The following ASAP2 variants were observed in gnomAD, a reference collection of about 807,000 sequenced individuals.
ASAP2 encodes arf-GAP with SH3 domain, ANK repeat and PH domain-containing protein 2.
Under a neutral mutation model 131.4 loss-of-function variants are expected in ASAP2, and 45 were observed. The observed-to-expected ratio is 0.34, with a 90% confidence interval of 0.27 to 0.44. ASAP2 has a LOEUF of 0.44. Among genes scored for constraint, ASAP2 ranks in the 20% least tolerant of loss-of-function variants. The pLI is 1.00. For missense variants in ASAP2, 1,011 were observed against 1,297.0 expected (o/e 0.78, Z 3.39); for synonymous variants, 510 against 503.0 (o/e 1.01, Z -0.19).
At chr2:9,364,447 G>A (rs1673304809) in intron 15 of ASAP2, among the ~76,000 whole-genome samples, 1 of 152,174 alleles carries the variant, frequency 6.6e-6, no homozygotes, top group African/African-American at 2.4e-5. Flanking sequence ...GTTGGCTATA[G>A]TGAACTGAGA....
chr2:9,363,038 G>A (rs1346493319), intron 15 of ASAP2, among the ~76,000 whole-genome samples: 1 of 152,106 alleles, frequency 6.6e-6, no homozygotes, highest in Non-Finnish European at 1.5e-5. Context: ...ATATAAATGA[G>A]ATCTTGCAGG....
chr2:9,278,818 C>A (rs1202993434), intron 1 of ASAP2, among the ~76,000 whole-genome samples: 1 of 152,212 alleles, frequency 6.6e-6, no homozygotes, highest in Non-Finnish European at 1.5e-5. Context: ...GACCCGTCTT[C>A]TAACACAGCT....
chr2:9,277,345 G>A (rs1010469146), intron 1 of ASAP2, among the ~76,000 whole-genome samples: 1 of 152,206 alleles, frequency 6.6e-6, no homozygotes, highest in Non-Finnish European at 1.5e-5. Context: ...AAAGTGATGA[G>A]ACTGCAAGAG....
chr2:9,341,334 G>A (rs1671561053), intron 9 of ASAP2, among the ~76,000 whole-genome samples: 1 of 152,134 alleles, frequency 6.6e-6, no homozygotes, highest in Non-Finnish European at 1.5e-5. Context: ...TCAATTTTAT[G>A]TTAAACAGAT....
rs1024680142 is a variant in ASAP2 at position 9,232,056 on chromosome 2, C to T, written c.126+24826C>T. On this transcript the variant is annotated intron_variant, in intron 1 of 27. Coordinates refer to ENST00000281419, the MANE Select transcript of ASAP2 (RefSeq NM_003887.3). The surrounding 1 kb of genome is among the most constrained non-coding windows in gnomAD (Gnocchi z 4.1). ...GTCATTTGTCAGCCAGAGCATTCAACAGCCTCTGCTCCCACTGAGGTCATG... is the reference window on the plus strand; with the variant it reads ...GTCATTTGTCAGCCAGAGCATTCAATAGCCTCTGCTCCCACTGAGGTCATG... Among the ~76,000 whole-genome samples the T allele has an allele frequency of 6.6e-6, 1 of 152,262 alleles. No homozygotes were observed. Among genetic ancestry groups the T allele is most frequent in the African/African-American group, 2.4e-5 (1 of 41,472 alleles).
Position 9,366,085 on chromosome 2 carries a change from C to G in ASAP2, c.1462-2340C>G, listed in dbSNP as rs1354183579. 2.0e-5 allele frequency among the ~76,000 whole-genome samples: 3 copies of G among 152,294 alleles called. No individual in the cohort carries two copies. In the East Asian group the frequency reaches 5.8e-4, roughly 29 times the overall value. On this transcript the variant is annotated intron_variant, in intron 15 of 27. Transcript: ENST00000281419. ...TTCTGCCTGCCTGTCCTGCTGGCAC[C>G]TGCAGCCTCCATTTGCAAATGCTTT...
Position 9,391,042 on chromosome 2 carries a change from G to A in ASAP2, c.2384-20G>A. On this transcript the variant is annotated intron_variant, in intron 22 of 27. Transcript: ENST00000281419. ...TGTATGTGTGCGTGCATGCGTCTGT[G>A]TGCATGCGTGTGGGTTCAGTTCAGA... 1.2e-6 allele frequency: 2 copies of A among 1,614,146 alleles called. No homozygotes were observed. Among genetic ancestry groups the A allele is most frequent in the South Asian group, 1.1e-5 (1 of 91,090 alleles).
intron 15 of ASAP2, 74 bp from the exon 16 acceptor site, chr2:9,368,351 A>G (rs1202161530): frequency 4.5e-6 from 6 of 1,331,752 alleles, no homozygotes; most frequent in South Asian, 1.2e-5. Context: ...AAATCATCAG[A>G]TGGGGATGGG....
intron 23 of ASAP2, among the ~76,000 whole-genome samples, chr2:9,391,612 A>G (rs1220681374): frequency 1.5e-5 from 2 of 137,186 alleles, no homozygotes; most frequent in Admixed American, 7.9e-5. Flanking sequence ...GTCTCACTCC[A>G]TCGCCCAGGC....
Position 9,374,948 on chromosome 2 carries a change from A to G in ASAP2, c.1746+4A>G. On this transcript the variant is annotated splice_donor_region_variant and intron_variant, in intron 17 of 27. Coordinates refer to ENST00000281419, the MANE Select transcript of ASAP2 (RefSeq NM_003887.3). Reference sequence around the variant, plus strand: ...AATCCCACTGGCCAACGGACATGTAAGAGTGTGGGTTGTTGCTACTTTAAA... The same window carrying G: ...AATCCCACTGGCCAACGGACATGTAGGAGTGTGGGTTGTTGCTACTTTAAA... 6.3e-7 allele frequency: 1 copy of G among 1,590,922 alleles called. No individual in the cohort carries two copies. The highest frequency in any genetic ancestry group is 8.5e-7 in the Non-Finnish European group (1 of 1,170,946).
chr2:9,371,537 A>T (rs1673957098), intron 16 of ASAP2, among the ~76,000 whole-genome samples: 1 of 152,212 alleles, frequency 6.6e-6, no homozygotes, highest in South Asian at 2.1e-4. Flanking sequence ...TTTATTTCAG[A>T]ACAGCACACC....
chr2:9,387,180 T>G (rs55686536), intron 21 of ASAP2, among the ~76,000 whole-genome samples: 3 of 138,182 alleles, frequency 2.2e-5, no homozygotes, highest in South Asian at 4.6e-4. Flanking sequence ...CGCCACTGCA[T>G]TCCAGCCTGG....
intron 1 of ASAP2, among the ~76,000 whole-genome samples, chr2:9,264,297 C>T (rs1665790723): frequency 6.6e-6 from 1 of 152,064 alleles, no homozygotes; most frequent in African/African-American, 2.4e-5. Context: ...TAGTATTTGG[C>T]CTTGGGAAAA....
In ASAP2 at chr2:9,397,022, T is replaced by C. The variant is rs113167452; in HGVS notation, c.2685-3001T>C. 2.4e-4 allele frequency among the ~76,000 whole-genome samples: 36 copies of C among 152,240 alleles called. 1 individual carries two copies. Among genetic ancestry groups the C allele is most frequent in the African/African-American group, 6.5e-4 (27 of 41,548 alleles). On this transcript the variant is annotated intron_variant, in intron 24 of 27. Transcript: ENST00000281419. ...GTCTCAAAAAAATAAAAATAAAATA[T>C]GCATATCTGTGCCCTCCTAGTCTTA...
chr2:9,212,071 T>C (rs1357115505), intron 1 of ASAP2, among the ~76,000 whole-genome samples: 1 of 152,094 alleles, frequency 6.6e-6, no homozygotes, highest in East Asian at 1.9e-4. Context: ...TTCAGTTTCT[T>C]TCTTAGGCTC....
intron 27 of ASAP2, 36 bp downstream of exon 27, chr2:9,401,432 C>T: frequency 1.2e-6 from 2 of 1,606,270 alleles, no homozygotes; most frequent in Non-Finnish European, 1.7e-6. Context: ...TTCCTGGGGG[C>T]TGAGCCACGT....
chr2:9,263,497 C>G lies in ASAP2; in HGVS notation c.127-15820C>G, dbSNP rs185079941. On this transcript the variant is annotated intron_variant, in intron 1 of 27. Coordinates refer to ENST00000281419, the MANE Select transcript of ASAP2 (RefSeq NM_003887.3). ...AAAAGTCTCTAGGACTTTTCTTCCC[C>G]CTAAATAAAAGTCAGGATGTGAAGC... Among the ~76,000 whole-genome samples, 209 of 152,348 alleles carry G rather than the reference C, an allele frequency of 1.4e-3. 1 individual carries two copies. The highest frequency in any genetic ancestry group is 2.0e-3 in the Admixed American group (31 of 15,304).
chr2:9,279,229 G>T (rs1572338441), intron 1 of ASAP2, 88 bp from the exon 2 acceptor site: 2 of 1,267,218 alleles, frequency 1.6e-6, no homozygotes, highest in East Asian at 4.7e-5. Context: ...CCTGGCAGAG[G>T]CAATCAGAGT....
At position 9,375,980 on chromosome 2, in the gene ASAP2, G is replaced by A. The variant is rs191364018; in HGVS notation, c.1747-928G>A. On this transcript the variant is annotated intron_variant, in intron 17 of 27. Coordinates refer to ENST00000281419, the MANE Select transcript of ASAP2 (RefSeq NM_003887.3). ...TGCAGTAACATACCAGCACCCAAGT[G>A]GGGTGGCATGTGTCCAGATTCTGGT... 3.9e-5 allele frequency among the ~76,000 whole-genome samples: 6 copies of A among 152,348 alleles called. No homozygotes were observed. In the East Asian group the frequency reaches 9.7e-4, roughly 25 times the overall value.
Sources: gnomAD v4.1 joint callset for allele counts (sites outside exome capture counted in the v4.1 genomes callset) on GRCh38, gnomAD v4.1.1 for gene constraint, Gnocchi (gnomAD v3.1) non-coding constraint, MANE v1.5 for transcripts, NCBI Gene and HGNC (gene_info 2026-07-23, HGNC 2026-07-21) for gene names.